Variants in MAGI1 observed in about 807,000 individuals in gnomAD.
MAGI1 encodes the protein membrane associated guanylate kinase, WW and PDZ domain containing 1, also known as membrane-associated guanylate kinase, WW and PDZ domain-containing protein 1.
MAGI1 carries 58 observed loss-of-function variants against 139.9 expected under a neutral mutation model. The ratio of observed to expected loss-of-function variants is 0.41; its 90% CI spans 0.34 to 0.52. MAGI1 has a LOEUF of 0.52. MAGI1 is among the 20% of genes least tolerant of loss of function. The probability of loss-of-function intolerance (pLI) is 0.12; values close to 1 mark genes in which losing one functional copy is unlikely to be tolerated. For missense variants in MAGI1, 1,874 were observed against 1,901.6 expected (o/e 0.99, Z 0.27); for synonymous variants, 812 against 737.9 (o/e 1.10, Z -1.63).
intron 1 of MAGI1, among the ~76,000 whole-genome samples, chr3:65,982,563 A>G (rs1175954113): frequency 6.6e-6 from 1 of 152,188 alleles, no homozygotes; most frequent in Non-Finnish European, 1.5e-5. Flanking sequence ...TAATAAATCA[A>G]TGCTTTTAAT....
chr3:65,699,727 T>C (rs1228509382), intron 1 of MAGI1, among the ~76,000 whole-genome samples: 1 of 80,260 alleles, frequency 1.2e-5, no homozygotes, highest in Admixed American at 1.8e-4. Context: ...GGGACTGTGG[T>C]GGGGTGGGGG....
chr3:65,734,503 A>AAGAGAGAGAAAG (rs2034517782), intron 1 of MAGI1, among the ~76,000 whole-genome samples: 1 of 95,480 alleles, frequency 1.0e-5, no homozygotes, highest in Admixed American at 1.1e-4. Context: ...GAGAAAGAGG[A>AAGAGAGAGAAAG]AGAGAGAGAA....
intron 1 of MAGI1, among the ~76,000 whole-genome samples, chr3:65,939,393 A>G (rs958753804): frequency 5.9e-5 from 9 of 152,190 alleles, no homozygotes; most frequent in Admixed American, 3.3e-4. Context: ...TAGGGGGTAA[A>G]ATCAATAACT....
rs1940176081 is a variant in MAGI1 at position 65,355,991 on chromosome 3, T to TA, written c.*386dup. The TA allele has an allele frequency of 6.2e-6, 1 of 162,290 alleles. No homozygotes were observed. Among genetic ancestry groups the TA allele is most frequent in the African/African-American group, 2.4e-5 (1 of 41,684 alleles). The allele number at this position is 162,290 out of a possible 1,614,324, so 10.1% of individuals were successfully genotyped here. A position where few individuals can be genotyped will look rare whatever the true frequency, so the allele number is the denominator to read the frequency against. The stretch of plus-strand genomic sequence containing the variant: ...CAGTCTATATCAAATTAATTAAACT[T>TA]AATCAATAAATTCCCTTACGTAGAG... On this transcript the variant is annotated 3_prime_UTR_variant, in exon 23 of 23. Transcript: ENST00000402939.
In MAGI1 at chr3:65,629,555, T is replaced by C. The variant is rs557848321; in HGVS notation, c.314-7467A>G. On this transcript the variant is annotated intron_variant, in intron 1 of 22. Coordinates refer to ENST00000402939, the MANE Select transcript of MAGI1 (RefSeq NM_001033057.2). ...AATGGTATGTACTGCAGTGGTGCTA[T>C]TACAGCAAAAAAAAAAAAAATCCAT... 3.5e-4 allele frequency among the ~76,000 whole-genome samples: 38 copies of C among 109,238 alleles called. No homozygotes were observed. The South Asian group carries it at 0.01, about 29-fold the overall frequency. The allele number at this position is 109,238 out of a possible 152,430, so 71.7% of individuals were successfully genotyped here.
intron 1 of MAGI1, 112 bp from the exon 2 acceptor site, chr3:65,622,200 C>T (rs918850184): frequency 6.2e-5 from 48 of 771,304 alleles, no homozygotes; most frequent in Middle Eastern, 2.3e-4. Flanking sequence ...AGCCTGCCAC[C>T]CCTAGTCATT....
intron 1 of MAGI1, among the ~76,000 whole-genome samples, chr3:65,869,368 TTGTTG>T (rs2059847166): frequency 8.0e-5 from 2 of 24,940 alleles, no homozygotes; most frequent in South Asian, 3.1e-3. Context: ...GACTGGTTTT[TTGTTG>T]TTGTTGTTGT....
rs1209163645 is a variant in MAGI1, at chr3:66,033,962, T to C, written c.313+4034A>G. Among the ~76,000 whole-genome samples the C allele has an allele frequency of 2.0e-5, 3 of 152,216 alleles. No homozygotes were observed. In the East Asian group the frequency reaches 5.8e-4, roughly 29 times the overall value. On this transcript the variant is annotated intron_variant, in intron 1 of 22. Coordinates refer to ENST00000402939, the MANE Select transcript of MAGI1 (RefSeq NM_001033057.2). ...CACTTATTTTTGGCATAGAGAAATGTAGGCTCCAAGAATGTGACTGGCAGA... is the reference window on the plus strand; with the variant it reads ...CACTTATTTTTGGCATAGAGAAATGCAGGCTCCAAGAATGTGACTGGCAGA...
chr3:65,484,443 C>T lies in MAGI1; in HGVS notation c.551-5645G>A, dbSNP rs1575957676. Among the ~76,000 whole-genome samples the T allele has an allele frequency of 5.3e-5, 8 of 152,254 alleles. 1 individual carries two copies. Among genetic ancestry groups the T allele is most frequent in the Admixed American group, 5.2e-4 (8 of 15,296 alleles). On this transcript the variant is annotated intron_variant, in intron 3 of 22. Transcript: ENST00000402939. ...ATGCATTTTCAACGGGGCAATATCA[C>T]CCCCAAGGGGGCAAAAATTGTTTTC...
At chr3:65,510,091 G>C (rs1240263665) in intron 2 of MAGI1, among the ~76,000 whole-genome samples, 4 of 152,074 alleles carry the variant, frequency 2.6e-5, no homozygotes, top group Non-Finnish European at 5.9e-5. Context: ...GCAGCTGAGG[G>C]TCCTGTCTGT....
chr3:65,771,535 T>C (rs1279922578), intron 1 of MAGI1, among the ~76,000 whole-genome samples: 1 of 152,124 alleles, frequency 6.6e-6, no homozygotes, highest in African/African-American at 2.4e-5. Context: ...ACAACCACAG[T>C]TTACATGTCT....
intron 1 of MAGI1, among the ~76,000 whole-genome samples, chr3:65,906,397 T>A (rs1317278926): frequency 6.6e-6 from 1 of 152,128 alleles, no homozygotes; most frequent in Non-Finnish European, 1.5e-5. Context: ...CACTGGTCAG[T>A]TTAATACAGG....
intron 12 of MAGI1, chr3:65,401,924 A>C (rs1284977843): frequency 1.0e-6 from 1 of 984,166 alleles, no homozygotes; most frequent in Non-Finnish European, 1.2e-6. Flanking sequence ...TACATGGTTA[A>C]AATTAAAAAA....
chr3:65,810,840 G>A (rs1195773923), intron 1 of MAGI1, among the ~76,000 whole-genome samples: 1 of 152,176 alleles, frequency 6.6e-6, no homozygotes, highest in Non-Finnish European at 1.5e-5. Context: ...TTTGTTATTT[G>A]TGGACACATT....
Position 66,038,292 on chromosome 3 carries a change from T to C in MAGI1, c.17A>G (p.Gln6Arg). Reference protein sequence around the residue: MSKVIQKKNHWTSRVH... With the variant: MSKVIRKKNHWTSRVH... ...CCTGCTAGTCCAGTGGTTCTTCTTC[T>C]GGATCACTTTGGACATGATGAGTTA... The change falls in exon 1 of 23, where the codon CAG (glutamine) becomes CGG (arginine). Residue 6 changes from glutamine (Q) to arginine (R), a missense_variant. This residue lies in a region of MAGI1 where 648 missense variants were observed against 598.1 expected (regional missense o/e 1.08). Coordinates refer to ENST00000402939, the MANE Select transcript of MAGI1 (RefSeq NM_001033057.2). 1.3e-6 allele frequency: 2 copies of C among 1,589,554 alleles called. No homozygotes were observed. The highest frequency in any genetic ancestry group is 2.2e-5 in the East Asian group (1 of 44,494).
At chr3:65,785,462 A>G (rs1001406214) in intron 1 of MAGI1, among the ~76,000 whole-genome samples, 1 of 152,228 alleles carries the variant, frequency 6.6e-6, no homozygotes, top group Non-Finnish European at 1.5e-5. Context: ...GTAAATGTTT[A>G]AAATTAAACT....
At chr3:65,478,560 G>T in intron 4 of MAGI1, 32 bp downstream of exon 4, 1 of 1,592,904 alleles carries the variant, frequency 6.3e-7, no homozygotes, top group Non-Finnish European at 8.6e-7. Context: ...CCTTCCCCAG[G>T]TCCATTGAGG....
intron 1 of MAGI1, among the ~76,000 whole-genome samples, chr3:65,929,992 A>AGG (rs1262634672): frequency 1.3e-5 from 2 of 152,154 alleles, no homozygotes; most frequent in African/African-American, 2.4e-5. Flanking sequence ...TGTATCTCAC[A>AGG]GCTTTCCTAG....
At chr3:65,730,163 A>C (rs1189125373) in intron 1 of MAGI1, among the ~76,000 whole-genome samples, 1 of 152,148 alleles carries the variant, frequency 6.6e-6, no homozygotes, top group East Asian at 1.9e-4. Flanking sequence ...TAGGTGGTTT[A>C]TCAGTTAGGA....
Sources: gnomAD v4.1 joint callset for allele counts (sites outside exome capture counted in the v4.1 genomes callset) on GRCh38, gnomAD v4.1.1 for gene constraint, gnomAD v4.1.1 regional missense constraint, MANE v1.5 for transcripts, NCBI Gene and HGNC (gene_info 2026-07-23, HGNC 2026-07-21) for gene names.